Variants in LRP5 observed in about 807,000 individuals in gnomAD.
LRP5 encodes low-density lipoprotein receptor-related protein 5.
LRP5 carries 62 observed loss-of-function variants against 154.1 expected under a neutral mutation model. That is an observed-to-expected ratio of 0.40 (90% confidence interval 0.33 to 0.50). LRP5 has a LOEUF of 0.50. Among genes scored for constraint, LRP5 ranks in the 20% least tolerant of loss-of-function variants. The pLI, the probability that LRP5 is intolerant of heterozygous loss-of-function variation, is 0.55. For synonymous variants in LRP5, 966 were observed against 1,011.5 expected, an observed-to-expected ratio of 0.96 and a Z score of 0.85; for missense variants, 1,915 against 2,336.7, an observed-to-expected ratio of 0.82 and a Z score of 3.72.
intron 13 of LRP5, among the ~76,000 whole-genome samples, chr11:68,418,142 G>A (rs2098663605): frequency 6.6e-6 from 1 of 151,778 alleles, no homozygotes; most frequent in Admixed American, 6.6e-5. Flanking sequence ...AAACTGCAGA[G>A]CCCGCTTGTA....
chr11:68,404,341 CTCAG>C (rs1383112382), intron 8 of LRP5: 7 of 529,168 alleles, frequency 1.3e-5, no homozygotes, highest in East Asian at 8.0e-5. Context: ...GTCAGAGGCA[CTCAG>C]TCAATCTTTG....
chr11:68,435,321 G>A (rs571537449), intron 18 of LRP5, among the ~76,000 whole-genome samples: 1 of 152,322 alleles, frequency 6.6e-6, no homozygotes, highest in East Asian at 1.9e-4. Flanking sequence ...CTGAGGCCGG[G>A]TAGATTATGA....
chr11:68,321,825 C>G (rs1178141925), intron 1 of LRP5, among the ~76,000 whole-genome samples: 1 of 152,168 alleles, frequency 6.6e-6, no homozygotes, highest in South Asian at 2.1e-4. Context: ...GATGGGGAGG[C>G]GGTACCTGCC....
chr11:68,305,894 T>C, the LRP5 span, among the ~76,000 whole-genome samples: 69 of 152,320 alleles, frequency 4.5e-4, no homozygotes, highest in African/African-American at 1.6e-3. Flanking sequence ...TTACCACAAA[T>C]CTGGTGGCTT....
intron 1 of LRP5, among the ~76,000 whole-genome samples, chr11:68,324,154 T>C (rs2098598334): frequency 6.6e-6 from 1 of 152,250 alleles, no homozygotes; most frequent in African/African-American, 2.4e-5. Flanking sequence ...CTGCTGGAGC[T>C]CTAGTCCTGC....
At position 68,449,163 on chromosome 11, in the gene LRP5, A is replaced by T; in HGVS notation, c.*93A>T. 1.1e-5 allele frequency: 12 copies of T among 1,077,638 alleles called. No homozygotes were observed. The highest frequency in any genetic ancestry group is 1.5e-5 in the Non-Finnish European group (12 of 805,318). 66.8% of individuals were successfully genotyped at this position (1,077,638 alleles called of 1,614,324 possible). A position where few individuals can be genotyped will look rare whatever the true frequency, so the allele number is the denominator to read the frequency against. On this transcript the variant is annotated 3_prime_UTR_variant, in exon 23 of 23. Transcript: ENST00000294304. ...ATATATTTTATGATTTAAAAAATAA[A>T]TATAATTGGGATTTTAAAAACATGA...
At chr11:68,439,978 G>T in intron 21 of LRP5, 62 bp downstream of exon 21, 2 of 1,434,924 alleles carry the variant, frequency 1.4e-6, no homozygotes, top group Non-Finnish European at 1.8e-6. Flanking sequence ...CCCACCGTCA[G>T]TGCTGGCCAC....
intron 1 of LRP5, among the ~76,000 whole-genome samples, chr11:68,325,848 C>A (rs2098599342): frequency 6.6e-6 from 1 of 152,244 alleles, no homozygotes; most frequent in Non-Finnish European, 1.5e-5. Flanking sequence ...ACAGGCTCGT[C>A]CTGAGGCTGC....
chr11:68,399,937 G>A (rs1371112127), intron 7 of LRP5, among the ~76,000 whole-genome samples: 1 of 152,210 alleles, frequency 6.6e-6, no homozygotes, highest in Non-Finnish European at 1.5e-5. Context: ...CGGGTCCACC[G>A]GGTGCCCTGG....
At chr11:68,305,179 C>T in the LRP5 span, among the ~76,000 whole-genome samples, 1 of 151,996 alleles carries the variant, frequency 6.6e-6, no homozygotes, top group Non-Finnish European at 1.5e-5. Flanking sequence ...GCAGACCCCT[C>T]GTGGCTTGGT....
At chr11:68,347,157 G>T (rs1361756010) in intron 1 of LRP5, among the ~76,000 whole-genome samples, 1 of 152,204 alleles carries the variant, frequency 6.6e-6, no homozygotes, top group Admixed American at 6.5e-5. Context: ...ACCTTGTTCT[G>T]CATGGCACTG....
In LRP5 at chr11:68,312,814, G is replaced by T. The variant is rs569517144; in HGVS notation, c.91+9G>T. On this transcript the variant is annotated intron_variant, in intron 1 of 22. Transcript: ENST00000294304. The stretch of plus-strand genomic sequence containing the variant: ...CCCGGCCCCCGCCGCGGGTAGGTGG[G>T]CGCAGGCCGGCCGGGGGCCGCGGGT... 1 of 1,042,328 alleles carries T rather than the reference G, an allele frequency of 9.6e-7. No individual in the cohort carries two copies. The highest frequency in any genetic ancestry group is 9.4e-5 in the East Asian group (1 of 10,670). 64.6% of individuals were successfully genotyped at this position (1,042,328 alleles called of 1,614,324 possible).
At chr11:68,378,617 A>G (rs1405998435) in intron 5 of LRP5, among the ~76,000 whole-genome samples, 1 of 151,252 alleles carries the variant, frequency 6.6e-6, no homozygotes, top group Admixed American at 6.6e-5. Context: ...TAACATTTAT[A>G]CGTTCGCTGT....
At chr11:68,443,397 T>G (rs2098679193) in intron 21 of LRP5, among the ~76,000 whole-genome samples, 1 of 138,780 alleles carries the variant, frequency 7.2e-6, no homozygotes. Context: ...GTCTGAAGCA[T>G]GAGAATTGCT....
At chr11:68,329,828 T>A (rs1230803892) in intron 1 of LRP5, among the ~76,000 whole-genome samples, 1 of 152,224 alleles carries the variant, frequency 6.6e-6, no homozygotes, top group African/African-American at 2.4e-5. Context: ...CTATTTGCCA[T>A]GGCCTTGGGC....
intron 7 of LRP5, among the ~76,000 whole-genome samples, chr11:68,396,557 G>C (rs562926290): frequency 6.6e-6 from 1 of 152,192 alleles, no homozygotes; most frequent in Non-Finnish European, 1.5e-5. Flanking sequence ...GAAGAACAAA[G>C]GTCTATGAAA....
At chr11:68,300,972 C>T in the LRP5 span, among the ~76,000 whole-genome samples, 6 of 147,556 alleles carry the variant, frequency 4.1e-5, no homozygotes, top group Admixed American at 1.4e-4. Context: ...TGCTTTTGCC[C>T]AGGCTGGAGT....
Position 68,423,549 on chromosome 11 carries a change from A to G in LRP5, c.3088A>G (p.Ser1030Gly). ...QNPDRQPHDL[S>G]IDIYSRTLFW... ...CCCAGACAGGCAGCCCCACGACCTC[A>G]GCATCGACATCTACAGCCGGACACT... The change falls in exon 14 of 23, where the codon AGC (serine) becomes GGC (glycine). Residue 1030 changes from serine to glycine, a missense_variant. Transcript: ENST00000294304. The surrounding 1 kb of genome is among the most constrained non-coding windows in gnomAD (Gnocchi z 4.7). The G allele has an allele frequency of 1.9e-6, 3 of 1,614,226 alleles. No homozygotes were observed. Among genetic ancestry groups the G allele is most frequent in the East Asian group, 4.5e-5 (2 of 44,886 alleles).
chr11:68,382,894 T>C (rs200435153), intron 5 of LRP5, among the ~76,000 whole-genome samples: 1 of 144,024 alleles, frequency 6.9e-6, no homozygotes, highest in African/African-American at 2.5e-5. Flanking sequence ...TTTTTTTTTT[T>C]CGAGACAAAG....
Sources: allele counts gnomAD v4.1 joint callset (sites outside exome capture counted in the v4.1 genomes callset), GRCh38; gene constraint gnomAD v4.1.1; non-coding constraint Gnocchi (gnomAD v3.1); transcripts MANE v1.5; gene names NCBI Gene and HGNC (gene_info 2026-07-23, HGNC 2026-07-21).